Variants in AHCYL2 observed in about 807,000 individuals in gnomAD.
AHCYL2 encodes S-adenosylhomocysteine hydrolase-like protein 2.
Under a neutral mutation model 81.4 loss-of-function variants are expected in AHCYL2, and 28 were observed. That is an observed-to-expected ratio of 0.34 (90% CI 0.25 to 0.47). The LOEUF (loss-of-function observed/expected upper bound fraction) is 0.47. Among genes scored for constraint, AHCYL2 ranks in the 20% least tolerant of loss-of-function variants. AHCYL2 has a pLI of 1.00. For synonymous variants in AHCYL2, 272 were observed against 290.2 expected (o/e 0.94, Z 0.64); for missense variants, 551 against 785.1 (o/e 0.70, Z 3.56).
chr7:129,320,386 C>T (rs748737389), intron 1 of AHCYL2, among the ~76,000 whole-genome samples: 12 of 152,154 alleles, frequency 7.9e-5, no homozygotes, highest in Non-Finnish European at 1.5e-4. Flanking sequence ...TGGCACGTCT[C>T]GGCTACTGCA....
At chr7:129,226,383 G>A (rs1029242126) in intron 1 of AHCYL2, among the ~76,000 whole-genome samples, 1 of 152,168 alleles carries the variant, frequency 6.6e-6, no homozygotes, top group African/African-American at 2.4e-5. Flanking sequence ...AGCTGAATCA[G>A]CACAGAAAAA....
At chr7:129,401,342 C>T (rs183013784) in intron 6 of AHCYL2, among the ~76,000 whole-genome samples, 81 of 150,030 alleles carry the variant, frequency 5.4e-4, no homozygotes, top group Non-Finnish European at 6.0e-5. Context: ...TCCCAGTGCC[C>T]CCCCCCAAAA....
At chr7:129,278,339 G>C (rs189671859) in intron 1 of AHCYL2, among the ~76,000 whole-genome samples, 6 of 152,014 alleles carry the variant, frequency 3.9e-5, no homozygotes, top group South Asian at 2.1e-4. Flanking sequence ...GTCTCCCAGT[G>C]TGTTGGGATT....
intron 11 of AHCYL2, among the ~76,000 whole-genome samples, chr7:129,410,742 G>A (rs953514947): frequency 2.0e-5 from 3 of 152,176 alleles, no homozygotes; most frequent in Non-Finnish European, 4.4e-5. Context: ...GAAATGGCTA[G>A]TTTCCTCTAG....
intron 1 of AHCYL2, among the ~76,000 whole-genome samples, chr7:129,244,907 G>T (rs1794992346): frequency 6.6e-6 from 1 of 151,988 alleles, no homozygotes; most frequent in Non-Finnish European, 1.5e-5. Context: ...TTGATATTTT[G>T]GTTGGGCAAG....
chr7:129,425,246 TA>T, intron 15 of AHCYL2, 105 bp downstream of exon 15: 1 of 925,676 alleles, frequency 1.1e-6, no homozygotes, highest in Non-Finnish European at 1.7e-6. Context: ...GGAAAAAAGG[TA>T]CCTTCATCTT....
chr7:129,260,914 G>A (rs756714864), intron 1 of AHCYL2, among the ~76,000 whole-genome samples: 8 of 151,944 alleles, frequency 5.3e-5, no homozygotes, highest in Non-Finnish European at 1.0e-4. Flanking sequence ...TCAGCCTCCC[G>A]AGTAGCTGGG....
Position 129,426,904 on chromosome 7 carries a change from AAC to A in AHCYL2, c.1830-131_1830-130del. 2.3e-6 allele frequency: 2 copies of A among 852,906 alleles called. No individual in the cohort carries two copies. Among genetic ancestry groups the A allele is most frequent in the South Asian group, 3.4e-5 (2 of 58,912 alleles). The allele number at this position is 852,906 out of a possible 1,614,324, so 52.8% of individuals were successfully genotyped here. On this transcript the variant is annotated intron_variant, in intron 16 of 16. Transcript: ENST00000325006. This position sits in a 1 kb window ranked among gnomAD's most constrained non-coding sequence, Gnocchi z 4.3. Reference sequence around the variant, plus strand: ...GCCTTTTTCAATGATGTGAAAAGGAAACACAGTTATTTCCTGTCACTGTACAC... The same window carrying A: ...GCCTTTTTCAATGATGTGAAAAGGAAACAGTTATTTCCTGTCACTGTACAC...
At chr7:129,297,033 C>A (rs1043024050) in intron 1 of AHCYL2, among the ~76,000 whole-genome samples, 2 of 152,132 alleles carry the variant, frequency 1.3e-5, no homozygotes, top group African/African-American at 4.8e-5. Flanking sequence ...TATATGTCAA[C>A]CTTTCTGAAG....
In AHCYL2 at chr7:129,225,310, G is replaced by A. The variant is rs777558431; in HGVS notation, c.234G>A (p.Gly78=). 6 of 1,480,648 alleles carry A rather than the reference G, an allele frequency of 4.1e-6. No individual in the cohort carries two copies. Among genetic ancestry groups the A allele is most frequent in the South Asian group, 3.8e-5 (3 of 78,302 alleles). 91.7% of individuals were successfully genotyped at this position (1,480,648 alleles called of 1,614,324 possible). ...GPAAALSPAA[G]KVPQASAMKR... ...CCGCCGCTCTCAGCCCCGCCGCCGG[G>A]AAGGTGCCTCAGGCGTCGGCCATGA... Residue 78 remains glycine (G), a synonymous_variant, in exon 1 of 17, where the codon GGG becomes GGA. Transcript: ENST00000325006.
At chr7:129,274,695 A>G (rs899426308) in intron 1 of AHCYL2, among the ~76,000 whole-genome samples, 3 of 152,134 alleles carry the variant, frequency 2.0e-5, no homozygotes, top group African/African-American at 7.2e-5. Flanking sequence ...CTGCTTGCAC[A>G]TAGAACCCGG....
intron 11 of AHCYL2, among the ~76,000 whole-genome samples, chr7:129,412,467 G>C (rs1423447884): frequency 2.0e-5 from 3 of 151,708 alleles, no homozygotes; most frequent in Non-Finnish European, 4.4e-5. Context: ...TTTTAGTAGA[G>C]ACAGGGTTTC....
At chr7:129,252,809 T>C (rs1795287613) in intron 1 of AHCYL2, among the ~76,000 whole-genome samples, 2 of 151,606 alleles carry the variant, frequency 1.3e-5, no homozygotes, top group Non-Finnish European at 2.9e-5. Flanking sequence ...AGATAGATGA[T>C]TGATTGATTG....
intron 1 of AHCYL2, among the ~76,000 whole-genome samples, chr7:129,254,730 G>GTT (rs1795352922): frequency 6.6e-6 from 1 of 152,184 alleles, no homozygotes; most frequent in Non-Finnish European, 1.5e-5. Context: ...TTATCCACAA[G>GTT]TTTCATTTCA....
intron 1 of AHCYL2, among the ~76,000 whole-genome samples, chr7:129,271,855 T>G (rs959212888): frequency 2.0e-5 from 3 of 152,222 alleles, no homozygotes; most frequent in African/African-American, 7.2e-5. Context: ...TTACACTTAT[T>G]GAAACAAAGA....
intron 1 of AHCYL2, among the ~76,000 whole-genome samples, chr7:129,308,546 A>T (rs888480672): frequency 3.3e-5 from 5 of 152,174 alleles, no homozygotes; most frequent in African/African-American, 1.2e-4. Flanking sequence ...TGCTCACATG[A>T]TTTTGATTCT....
At position 129,429,821 on chromosome 7, in the gene AHCYL2, T is replaced by A. The variant is rs925119685; in HGVS notation, c.*2776T>A. On this transcript the variant is annotated 3_prime_UTR_variant, in exon 17 of 17. Transcript: ENST00000325006. ...CCATGGCCACATACTCCTGCAAAGCTTTTATGCTGCTTCGCTTTTCTCTAA... is the reference window on the plus strand; with the variant it reads ...CCATGGCCACATACTCCTGCAAAGCATTTATGCTGCTTCGCTTTTCTCTAA... 6.6e-6 allele frequency: 1 copy of A among 152,618 alleles called. No homozygotes were observed. The highest frequency in any genetic ancestry group is 1.5e-5 in the Non-Finnish European group (1 of 68,036). 9.5% of individuals were successfully genotyped at this position (152,618 alleles called of 1,614,324 possible).
chr7:129,339,721 AG>A (rs1421422298), intron 1 of AHCYL2, among the ~76,000 whole-genome samples: 13 of 151,640 alleles, frequency 8.6e-5, no homozygotes, highest in African/African-American at 2.9e-4. Context: ...TTTAGAGATA[AG>A]GTCTTGCTTT....
chr7:129,265,854 C>T (rs997920141), intron 1 of AHCYL2, among the ~76,000 whole-genome samples: 3 of 151,986 alleles, frequency 2.0e-5, no homozygotes, highest in Non-Finnish European at 2.9e-5. Context: ...AGAGAAGAGA[C>T]GATAGTAGTT....
Sources: allele counts gnomAD v4.1 joint callset (sites outside exome capture counted in the v4.1 genomes callset), GRCh38; gene constraint gnomAD v4.1.1; non-coding constraint Gnocchi (gnomAD v3.1); transcripts MANE v1.5; gene names NCBI Gene and HGNC (gene_info 2026-07-23, HGNC 2026-07-21).